The following ZNF577 variants were observed in gnomAD, a reference collection of about 807,000 sequenced individuals.
The protein encoded by ZNF577 is zinc finger protein 577.
Under a neutral mutation model 13.9 loss-of-function variants are expected in ZNF577, and 14 were observed. The observed-to-expected ratio is 1.00, with a 90% CI of 0.66 to 1.57. The LOEUF (loss-of-function observed/expected upper bound fraction) is 1.57. ZNF577 is among the 40% of genes most tolerant of loss of function. The pLI is 0.00. For synonymous variants in ZNF577, 203 were observed against 202.9 expected (o/e 1.00, Z 0.00); for missense variants, 555 against 579.2 (o/e 0.96, Z 0.43).
At chr19:51,866,023 G>A (rs1474184823), downstream of ZNF577, among the ~76,000 whole-genome samples, 1 of 151,998 alleles carries the variant, frequency 6.6e-6, no homozygotes, top group African/African-American at 2.4e-5. Flanking sequence ...GCTGAGGCAG[G>A]AGAATTGCTT....
At chr19:51,883,813 C>T (rs183042196) in intron 1 of ZNF577, among the ~76,000 whole-genome samples, 3 of 152,318 alleles carry the variant, frequency 2.0e-5, no homozygotes, top group Non-Finnish European at 4.4e-5. Flanking sequence ...TGGCTCACAC[C>T]TGTAACCCCA....
Position 51,873,163 on chromosome 19 carries a change from C to G in ZNF577, c.827G>C (p.Gly276Ala). 6.2e-7 allele frequency: 1 copy of G among 1,614,090 alleles called. No individual in the cohort carries two copies. Among genetic ancestry groups the G allele is most frequent in the East Asian group, 2.2e-5 (1 of 44,882 alleles). The change falls in exon 6 of 6, where the codon GGG becomes GCG. Residue 276 changes from glycine (G) to alanine (A), a missense_variant. Gly to Ala is a moderately conservative substitution (Grantham distance 60). Coordinates refer to ENST00000638348, the MANE Select transcript of ZNF577 (RefSeq NM_001370449.1). ...GTATGCCTTCTGAGAAAAGGCTTTC[C>G]CACACACACTGCACCCATAGAGTTT... The part of the protein sequence containing the change: ...GEKLYGCSVC[G>A]KAFSQKAYLT...
At chr19:51,852,977 G>T (rs2084386985) in intron 5 of ZNF577, among the ~76,000 whole-genome samples, 1 of 147,962 alleles carries the variant, frequency 6.8e-6, no homozygotes. Context: ...CATTGCCCAG[G>T]CTGGAGTGCA....
chr19:51,845,575 T>C (rs1394003994), intron 5 of ZNF577, among the ~76,000 whole-genome samples: 4 of 152,122 alleles, frequency 2.6e-5, no homozygotes, highest in African/African-American at 9.7e-5. Context: ...AACATAAAAG[T>C]TCATGTCTTA....
intron 5 of ZNF577, among the ~76,000 whole-genome samples, chr19:51,846,023 T>C (rs1211321806): frequency 6.6e-6 from 1 of 152,126 alleles, no homozygotes; most frequent in East Asian, 1.9e-4. Context: ...GTTCTATTTT[T>C]TTTTTTTTGA....
intron 6 of ZNF577, chr19:51,844,682 T>G (rs1288576279): frequency 6.6e-6 from 1 of 152,244 alleles, no homozygotes. Context: ...AGTGTACTTA[T>G]ATTCATTTTT....
chr19:51,814,398 A>AG (rs2084119040), intron 9 of ZNF577, among the ~76,000 whole-genome samples: 1 of 152,204 alleles, frequency 6.6e-6, no homozygotes, highest in Non-Finnish European at 1.5e-5. Context: ...CTCCCTCTGG[A>AG]GCAGAAGGTT....
chr19:51,853,089 G>A (rs796292533), intron 5 of ZNF577, among the ~76,000 whole-genome samples: 13 of 151,944 alleles, frequency 8.6e-5, no homozygotes, highest in African/African-American at 2.2e-4. Flanking sequence ...GGCACAGGCC[G>A]CCCCACCCAG....
intron 5 of ZNF577, among the ~76,000 whole-genome samples, chr19:51,874,400 T>C (rs757720647): frequency 4.0e-5 from 6 of 151,042 alleles, no homozygotes; most frequent in Non-Finnish European, 4.4e-5. Context: ...GAAAAAGCAA[T>C]GTTATGCAAA....
intron 9 of ZNF577, among the ~76,000 whole-genome samples, chr19:51,821,554 G>T (rs868503903): frequency 6.6e-6 from 1 of 152,118 alleles, no homozygotes; most frequent in Admixed American, 6.5e-5. Context: ...AATGTCCCAT[G>T]AAAGACCTCA....
chr19:51,857,426 G>GAAAGAAAGAAAGAAAGAA (rs1555745840), intron 5 of ZNF577, among the ~76,000 whole-genome samples: 8 of 96,796 alleles, frequency 8.3e-5, no homozygotes, highest in African/African-American at 1.5e-4. Flanking sequence ...AAGAAAGAAA[G>GAAAGAAAGAAAGAAAGAA]AAAAGAAAAA....
intron 5 of ZNF577, chr19:51,860,613 A>T (rs1300579370): frequency 1.3e-5 from 2 of 157,070 alleles, no homozygotes; most frequent in East Asian, 3.8e-4. Flanking sequence ...TTCCCTTCTG[A>T]TTTAAGTATC....
At chr19:51,817,995 TCTTTTCTTTA>T (rs1371135618) in intron 9 of ZNF577, among the ~76,000 whole-genome samples, 1 of 152,034 alleles carries the variant, frequency 6.6e-6, no homozygotes, top group Non-Finnish European at 1.5e-5. Flanking sequence ...TTTTCTTTTT[TCTTTTCTTTA>T]CTTTTCTTTT....
At chr19:51,854,360 C>T (rs56081849) in intron 5 of ZNF577, among the ~76,000 whole-genome samples, 17,876 of 151,596 alleles carry the variant, frequency 0.12, 1,326 homozygotes, top group Middle Eastern at 0.16. Context: ...CAGGATCTCA[C>T]TCTTGTCACT....
At chr19:51,807,986 G>A (rs769594089) in intron 10 of ZNF577, among the ~76,000 whole-genome samples, 3 of 152,216 alleles carry the variant, frequency 2.0e-5, no homozygotes, top group Admixed American at 6.5e-5. Context: ...CTATAAACTG[G>A]CCCAAAAGTC....
chr19:51,810,572 A>G (rs1417268956), intron 10 of ZNF577, among the ~76,000 whole-genome samples: 1 of 152,180 alleles, frequency 6.6e-6, no homozygotes, highest in East Asian at 1.9e-4. Context: ...ACCTAATAGC[A>G]TATCCTCTGT....
chr19:51,858,292 C>T (rs993715027), intron 5 of ZNF577, among the ~76,000 whole-genome samples: 1 of 152,222 alleles, frequency 6.6e-6, no homozygotes, highest in South Asian at 2.1e-4. Context: ...TTCTCTCAGG[C>T]TGTATCTGTG....
At chr19:51,884,979 T>G (rs1175100932) in intron 1 of ZNF577, among the ~76,000 whole-genome samples, 1 of 152,238 alleles carries the variant, frequency 6.6e-6, no homozygotes, top group Admixed American at 6.5e-5. Flanking sequence ...TCCACTATAG[T>G]TAGAGAAAAT....
At chr19:51,852,187 T>C (rs758006536) in intron 5 of ZNF577, among the ~76,000 whole-genome samples, 1 of 152,218 alleles carries the variant, frequency 6.6e-6, no homozygotes, top group Non-Finnish European at 1.5e-5. Flanking sequence ...CTTCCTGCTC[T>C]TTGGAAAGCT....
Sources: gnomAD v4.1 joint callset for allele counts (sites outside exome capture counted in the v4.1 genomes callset) on GRCh38, gnomAD v4.1.1 for gene constraint, MANE v1.5 for transcripts, NCBI Gene and HGNC (gene_info 2026-07-23, HGNC 2026-07-21) for gene names.